C6orf62: variants seen among roughly 807,000 people sequenced by gnomAD.
C6orf62 encodes the protein chromosome 6 open reading frame 62.
Under a neutral mutation model 26.8 loss-of-function variants are expected in C6orf62, and 16 were observed. The ratio of observed to expected loss-of-function variants is 0.60; its 90% CI spans 0.40 to 0.91. C6orf62 has a LOEUF of 0.91. Ranked by LOEUF, C6orf62 falls within the 40% of genes least tolerant of loss-of-function variation. The pLI is 0.00. For synonymous variants in C6orf62, 112 were observed against 91.5 expected, an observed-to-expected ratio of 1.22 and a Z score of -1.28; for missense variants, 192 against 271.4, an observed-to-expected ratio of 0.71 and a Z score of 2.06.
chr6:24,710,587 C>T (rs1192187200), intron 3 of C6orf62: 1 of 976,910 alleles, frequency 1.0e-6, no homozygotes, highest in Non-Finnish European at 1.2e-6. Context: ...TATCATCAAA[C>T]CACTATAGGA....
intron 2 of C6orf62, among the ~76,000 whole-genome samples, chr6:24,714,763 G>A (rs906067360): frequency 1.3e-5 from 2 of 152,078 alleles, no homozygotes; most frequent in African/African-American, 4.8e-5. Flanking sequence ...TTACAAGTGT[G>A]TGCCACCATG....
chr6:24,714,390 A>G lies in C6orf62; in HGVS notation c.357T>C (p.Asn119=). The G allele has an allele frequency of 1.2e-6, 2 of 1,612,054 alleles. No homozygotes were observed. Among genetic ancestry groups the G allele is most frequent in the Non-Finnish European group, 1.7e-6 (2 of 1,178,604 alleles). The part of the protein sequence containing the change: ...QEMDFILWPR[N]DIEKIVCLLF... ...GGAGACAGACGATTTTTTCAATATC[A>G]TTCCGAGGCCAAAGAATGAAATCCA... Residue 119 remains asparagine (N), a synonymous_variant, in exon 3 of 5, where the codon AAT becomes AAC. Transcript: ENST00000378119.
chr6:24,719,856 T>C, upstream of C6orf62: 1 of 1,363,452 alleles, frequency 7.3e-7, no homozygotes, highest in Non-Finnish European at 9.9e-7. Flanking sequence ...CGGCAGCGAC[T>C]CACTCGCACC....
chr6:24,712,788 TAACTC>T (rs1208364266), intron 3 of C6orf62, among the ~76,000 whole-genome samples: 3 of 151,686 alleles, frequency 2.0e-5, no homozygotes, highest in Admixed American at 6.6e-5. Flanking sequence ...AGACTAAAGT[TAACTC>T]AACTATTTCA....
intron 4 of C6orf62, among the ~76,000 whole-genome samples, chr6:24,707,485 G>A (rs1779031944): frequency 6.6e-6 from 1 of 151,738 alleles, no homozygotes; most frequent in South Asian, 2.1e-4. Context: ...AGCCTCCAGA[G>A]TAGCTAGGAC....
chr6:24,713,204 A>G (rs1779155687), intron 3 of C6orf62, among the ~76,000 whole-genome samples: 1 of 152,212 alleles, frequency 6.6e-6, no homozygotes, highest in Admixed American at 6.5e-5. Flanking sequence ...GAGGAGCACA[A>G]TGAATTCATA....
intron 3 of C6orf62, among the ~76,000 whole-genome samples, chr6:24,711,431 C>T (rs1175603826): frequency 6.6e-6 from 1 of 152,134 alleles, no homozygotes; most frequent in African/African-American, 2.4e-5. Context: ...CACTGAAGAA[C>T]TCAGTATTTA....
In C6orf62 at chr6:24,718,879, C is replaced by T. The variant is rs368733248; in HGVS notation, c.-211G>A. 2.0e-4 allele frequency: 281 copies of T among 1,388,386 alleles called. 2 individuals are homozygous for T. The highest frequency in any genetic ancestry group is 1.5e-3 in the African/African-American group (103 of 68,096). The allele number at this position is 1,388,386 out of a possible 1,614,324, so 86.0% of individuals were successfully genotyped here. ...GGGTCAAGAAACAAAAGCTGCTGTC[C>T]AGTCATGTTTGGACAATAACGTTTG... On this transcript the variant is annotated 5_prime_UTR_variant, in exon 1 of 5. Coordinates refer to ENST00000378119, the MANE Select transcript of C6orf62 (RefSeq NM_030939.5).
At chr6:24,719,573 G>A (rs964112832), upstream of C6orf62, 37 of 1,301,958 alleles carry the variant, frequency 2.8e-5, no homozygotes, top group Admixed American at 3.0e-4. Context: ...AAGGAAAAGG[G>A]GTATATAATA....
chr6:24,714,558 A>G (rs567196560), intron 2 of C6orf62, 118 bp from the exon 3 acceptor site: 31 of 607,776 alleles, frequency 5.1e-5, no homozygotes, highest in South Asian at 2.5e-4. Context: ...GATCTACCAT[A>G]TATCATTTTA....
Position 24,718,607 on chromosome 6 carries a change from T to A in C6orf62, c.62A>T (p.Lys21Met). ...CTGGTCAGCTAGAGATTCTTTTTTCTTTCTAAGCTGAGCACGTAGTCTGTT... is the reference window on the plus strand; with the variant it reads ...CTGGTCAGCTAGAGATTCTTTTTTCATTCTAAGCTGAGCACGTAGTCTGTT... ...ALNRLRAQLR[K>M]KKESLADQFD... The change falls in exon 1 of 5, where the codon AAG becomes ATG. Residue 21 changes from lysine (K) to methionine (M), a missense_variant. Coordinates refer to ENST00000378119, the MANE Select transcript of C6orf62 (RefSeq NM_030939.5). 1 of 1,614,120 alleles carries A rather than the reference T, an allele frequency of 6.2e-7. No homozygotes were observed. Among genetic ancestry groups the A allele is most frequent in the Non-Finnish European group, 8.5e-7 (1 of 1,180,018 alleles).
At chr6:24,718,475 G>C (rs773042443) in intron 1 of C6orf62, 65 bp downstream of exon 1, 26 of 1,440,444 alleles carry the variant, frequency 1.8e-5, no homozygotes, top group East Asian at 2.3e-5. Flanking sequence ...TAATTTAAGA[G>C]TAACAAATAA....
chr6:24,719,641 C>A, upstream of C6orf62: 1 of 1,440,676 alleles, frequency 6.9e-7, no homozygotes, highest in Middle Eastern at 2.6e-4. Context: ...GTTCCCAACA[C>A]CCCCAGCCTG....
rs766067442 is a variant in C6orf62 at position 24,706,113 on chromosome 6, T to A, written c.*24A>T. The A allele has an allele frequency of 1.2e-6, 2 of 1,607,530 alleles. No individual in the cohort carries two copies. The highest frequency in any genetic ancestry group is 1.7e-6 in the Non-Finnish European group (2 of 1,177,196). ...AAAACTGCTGCTGCATTCTCTGATC[T>A]TCTCCATTTTGCTGGTCAGTACTCT... On this transcript the variant is annotated 3_prime_UTR_variant, in exon 5 of 5. Transcript: ENST00000378119.
At chr6:24,708,628 A>C in intron 4 of C6orf62, 149 bp downstream of exon 4, 1 of 1,057,762 alleles carries the variant, frequency 9.5e-7, no homozygotes. Flanking sequence ...ATGAGCCACC[A>C]TGCCCAGCCT....
intron 1 of C6orf62, among the ~76,000 whole-genome samples, chr6:24,717,187 A>G (rs9356944): frequency 0.07 from 10,659 of 152,320 alleles, 1,251 homozygotes; most frequent in East Asian, 0.47. Flanking sequence ...CATTCACAGA[A>G]TAAAACCAGA....
upstream of C6orf62, chr6:24,719,979 G>A (rs1327507242): frequency 5.2e-6 from 8 of 1,544,966 alleles, no homozygotes; most frequent in South Asian, 1.2e-5. Context: ...GGGAAAAAAA[G>A]AAAATAATTG....
chr6:24,720,012 A>AGGGGGGGC, upstream of C6orf62: 72 of 1,462,682 alleles, frequency 4.9e-5, no homozygotes, highest in Non-Finnish European at 5.9e-5. Context: ...TTCTAAAGTA[A>AGGGGGGGC]GCCCACCCAC....
intron 1 of C6orf62, among the ~76,000 whole-genome samples, chr6:24,717,950 C>T (rs569863041): frequency 6.6e-6 from 1 of 152,174 alleles, no homozygotes; most frequent in Non-Finnish European, 1.5e-5. Flanking sequence ...AATGAAACTT[C>T]CTCTAGGTCA....
Sources: gnomAD v4.1 joint callset for allele counts (sites outside exome capture counted in the v4.1 genomes callset) on GRCh38, gnomAD v4.1.1 for gene constraint, MANE v1.5 for transcripts, NCBI Gene and HGNC (gene_info 2026-07-23, HGNC 2026-07-21) for gene names.